MAPK10: variants seen among roughly 807,000 people sequenced by gnomAD.
MAPK10 encodes the protein mitogen-activated protein kinase 10.
A neutral mutation model predicts 59.3 loss-of-function variants in MAPK10; 25 were observed. The observed-to-expected ratio is 0.42, with a 90% confidence interval of 0.31 to 0.59. The LOEUF (loss-of-function observed/expected upper bound fraction) is 0.59, where lower values mean the gene tolerates loss of function less well. MAPK10 is among the 20% of genes least tolerant of loss of function. MAPK10 has a pLI of 0.15. For missense variants in MAPK10, 351 were observed against 568.9 expected, an observed-to-expected ratio of 0.62 and a Z score of 3.90; for synonymous variants, 190 against 200.5, an observed-to-expected ratio of 0.95 and a Z score of 0.44.
At chr4:86,369,489 A>T (rs1738422066) in intron 1 of MAPK10, among the ~76,000 whole-genome samples, 1 of 152,186 alleles carries the variant, frequency 6.6e-6, no homozygotes, top group South Asian at 2.1e-4. Context: ...AATAATCAGA[A>T]TTAATAATAT....
intron 1 of MAPK10, among the ~76,000 whole-genome samples, chr4:86,532,962 CTT>C (rs1271119781): frequency 6.6e-6 from 1 of 152,126 alleles, no homozygotes; most frequent in African/African-American, 2.4e-5. Context: ...CTACTAATGA[CTT>C]TGCATATTCT....
At chr4:86,078,580 G>A in intron 9 of MAPK10, among the ~76,000 whole-genome samples, 1 of 142,304 alleles carries the variant, frequency 7.0e-6, no homozygotes, top group African/African-American at 2.8e-5. Context: ...CAAGTATAAG[G>A]AAATACATAT....
intron 10 of MAPK10, chr4:86,065,135 A>G (rs1460730103): frequency 1.7e-5 from 2 of 116,478 alleles, no homozygotes; most frequent in South Asian, 2.4e-4. Flanking sequence ...GCTGGTCTCG[A>G]ACTCTGGGCT....
intron 1 of MAPK10, among the ~76,000 whole-genome samples, chr4:86,380,182 A>T (rs950846117): frequency 6.6e-6 from 1 of 152,096 alleles, no homozygotes; most frequent in African/African-American, 2.4e-5. Context: ...AGATTGCACC[A>T]TTGCATTCCA....
At chr4:86,331,010 T>C (rs1316313518) in intron 2 of MAPK10, among the ~76,000 whole-genome samples, 1 of 152,132 alleles carries the variant, frequency 6.6e-6, no homozygotes, top group Non-Finnish European at 1.5e-5. Flanking sequence ...TAAATATTTG[T>C]TGAATGAATA....
In MAPK10 at chr4:86,135,126, C is replaced by T. The variant is rs1426386908; in HGVS notation, c.236+24172G>A. Among the ~76,000 whole-genome samples, 5 of 152,322 alleles carry T rather than the reference C, an allele frequency of 3.3e-5. No individual in the cohort carries two copies. The South Asian group carries it at 8.3e-4, about 25-fold the overall frequency. ...GCTGGGGGAGGGGCGCCCGCCATTG[C>T]CCAGGCTTGCTTAGGTAAACAAAGC... On this transcript the variant is annotated intron_variant, in intron 4 of 13. Transcript: ENST00000641462.
At chr4:86,263,715 T>C (rs1288827120) in intron 2 of MAPK10, among the ~76,000 whole-genome samples, 1 of 152,346 alleles carries the variant, frequency 6.6e-6, no homozygotes, top group Non-Finnish European at 1.5e-5. Flanking sequence ...TTGACAAAAC[T>C]CTCTGAGCCT....
At chr4:86,150,057 G>T (rs2066027272) in intron 4 of MAPK10, among the ~76,000 whole-genome samples, 1 of 152,208 alleles carries the variant, frequency 6.6e-6, no homozygotes, top group Non-Finnish European at 1.5e-5. Flanking sequence ...CAACGTAAGT[G>T]CCCACTGACT....
intron 1 of MAPK10, among the ~76,000 whole-genome samples, chr4:86,528,344 GA>G (rs371046344): frequency 3.4e-4 from 49 of 142,936 alleles, no homozygotes; most frequent in Middle Eastern, 3.5e-3. Flanking sequence ...GATATTTTCA[GA>G]AAAAAAAAAC....
At chr4:86,069,565 A>G (rs528125718) in intron 9 of MAPK10, among the ~76,000 whole-genome samples, 1 of 152,228 alleles carries the variant, frequency 6.6e-6, no homozygotes, top group South Asian at 2.1e-4. Context: ...AATACTATGG[A>G]TATAGGTAAG....
At chr4:86,278,119 T>C (rs767932209) in intron 2 of MAPK10, among the ~76,000 whole-genome samples, 13 of 152,282 alleles carry the variant, frequency 8.5e-5, no homozygotes, top group Admixed American at 6.5e-4. Context: ...CATGTTTTAC[T>C]CATATCAAAA....
chr4:86,089,791 T>C (rs1327563571), intron 9 of MAPK10, among the ~76,000 whole-genome samples: 1 of 152,132 alleles, frequency 6.6e-6, no homozygotes, highest in Non-Finnish European at 1.5e-5. Flanking sequence ...GAAAAGCCAG[T>C]TCAAGAATGA....
intron 11 of MAPK10, among the ~76,000 whole-genome samples, chr4:86,033,934 T>C (rs537608037): frequency 6.6e-6 from 1 of 152,316 alleles, no homozygotes; most frequent in African/African-American, 2.4e-5. Flanking sequence ...CAGGATGAGA[T>C]AGTTCAAAAC....
Position 86,015,487 on chromosome 4 carries a change from A to G in MAPK10, c.*1741T>C, listed in dbSNP as rs1477640796. On this transcript the variant is annotated 3_prime_UTR_variant, in exon 14 of 14. Transcript: ENST00000641462. Reference sequence around the variant, plus strand: ...CTCTAGTGAGCACCAACATGGTCAGAGTGCAAATAACTGTGATGGATACTT... The same window carrying G: ...CTCTAGTGAGCACCAACATGGTCAGGGTGCAAATAACTGTGATGGATACTT... 6.6e-6 allele frequency: 1 copy of G among 152,220 alleles called. No individual in the cohort carries two copies. 9.4% of individuals were successfully genotyped at this position (152,220 alleles called of 1,614,324 possible). A position where few individuals can be genotyped will look rare whatever the true frequency, so the allele number is the denominator to read the frequency against.
chr4:86,156,794 T>G (rs143624682), intron 4 of MAPK10, among the ~76,000 whole-genome samples: 2 of 152,138 alleles, frequency 1.3e-5, no homozygotes, highest in Non-Finnish European at 2.9e-5. Context: ...TTCTGATGAT[T>G]GGAAAAATGT....
intron 4 of MAPK10, among the ~76,000 whole-genome samples, chr4:86,133,103 T>C (rs888246768): frequency 1.3e-5 from 2 of 152,144 alleles, no homozygotes; most frequent in African/African-American, 2.4e-5. Flanking sequence ...CAGTAATGAA[T>C]TGTGAAGCTG....
At chr4:86,241,885 C>A (rs777383302) in intron 2 of MAPK10, among the ~76,000 whole-genome samples, 1 of 152,118 alleles carries the variant, frequency 6.6e-6, no homozygotes, top group East Asian at 1.9e-4. Flanking sequence ...AGAGATGTTG[C>A]GATCATTTAG....
intron 2 of MAPK10, among the ~76,000 whole-genome samples, chr4:86,295,668 A>G (rs1354484292): frequency 6.6e-6 from 1 of 150,472 alleles, no homozygotes; most frequent in African/African-American, 2.4e-5. Context: ...GTTCACAAAA[A>G]TATGTTATAG....
chr4:86,270,229 G>A (rs1024526646), intron 2 of MAPK10, among the ~76,000 whole-genome samples: 14 of 151,928 alleles, frequency 9.2e-5, no homozygotes, highest in Non-Finnish European at 2.1e-4. Context: ...AAGTTGCTCA[G>A]CATTCTAACA....
Sources: allele counts gnomAD v4.1 joint callset (sites outside exome capture counted in the v4.1 genomes callset), GRCh38; gene constraint gnomAD v4.1.1; transcripts MANE v1.5; gene names NCBI Gene and HGNC (gene_info 2026-07-23, HGNC 2026-07-21).